Variants in VCAM1 observed in about 807,000 individuals in gnomAD.
VCAM1 encodes the protein vascular cell adhesion protein 1.
In VCAM1, 41 loss-of-function variants were observed where a neutral mutation model predicts 63.8. The observed-to-expected ratio is 0.64, with a 90% CI of 0.50 to 0.83. VCAM1 has a LOEUF of 0.83. VCAM1 is among the 40% of genes least tolerant of loss of function. The probability of loss-of-function intolerance (pLI) is 0.00; values close to 1 mark genes in which losing one functional copy is unlikely to be tolerated. For synonymous variants in VCAM1, 338 were observed against 320.7 expected, an observed-to-expected ratio of 1.05 and a Z score of -0.58; for missense variants, 798 against 875.5, an observed-to-expected ratio of 0.91 and a Z score of 1.12.
Position 100,734,717 on chromosome 1 carries a change from T to C in VCAM1, c.2008T>C (p.Ser670Pro), listed in dbSNP as rs1428999683. 6.2e-7 allele frequency: 1 copy of C among 1,612,370 alleles called. No homozygotes were observed. Residue 670 changes from serine to proline, a missense_variant, in exon 8 of 9, where the codon TCT becomes CCT. Transcript: ENST00000294728. The stretch of plus-strand genomic sequence containing the variant: ...GGATGCGGGAGTATATGAATGTGAA[T>C]CTAAAAACAAAGTTGGCTCACAATT... The part of the protein sequence containing the change: ...LKDAGVYECE[S>P]KNKVGSQLRS...
At chr1:100,724,571 G>C in intron 3 of VCAM1, 53 bp from the exon 4 acceptor site, 1 of 1,578,046 alleles carries the variant, frequency 6.3e-7, no homozygotes, top group South Asian at 1.2e-5. Context: ...CATTACCTCT[G>C]TTGCACTGGG....
intron 1 of VCAM1, among the ~76,000 whole-genome samples, 165 bp downstream of exon 1, chr1:100,720,089 A>C (rs1659904872): frequency 6.6e-6 from 1 of 152,142 alleles, no homozygotes; most frequent in South Asian, 2.1e-4. Flanking sequence ...GTTTTGCTAT[A>C]TACCATTGTA....
chr1:100,719,903 C>T lies in VCAM1; in HGVS notation c.43C>T (p.Leu15Phe), dbSNP rs775374597. Residue 15 changes from leucine to phenylalanine, a missense_variant, in exon 1 of 9, where the codon CTT (leucine) becomes TTT (phenylalanine). Transcript: ENST00000294728. The stretch of plus-strand genomic sequence containing the variant: ...CGTGATCCTTGGAGCCTCAAATATA[C>T]TTTGGATAATGTTTGCAGCTTGTAA... ...MVVILGASNI[L>F]WIMFAASQAF... 6.2e-7 allele frequency: 1 copy of T among 1,610,882 alleles called. No homozygotes were observed. Among genetic ancestry groups the T allele is most frequent in the South Asian group, 1.1e-5 (1 of 90,790 alleles).
chr1:100,732,465 G>C lies in VCAM1; in HGVS notation c.1573G>C (p.Glu525Gln), dbSNP rs751036237. The C allele has an allele frequency of 6.2e-7, 1 of 1,608,908 alleles. No homozygotes were observed. Among genetic ancestry groups the C allele is most frequent in the East Asian group, 2.2e-5 (1 of 44,706 alleles). The part of the protein sequence containing the change: ...TVLVSPSSIL[E>Q]EGSSVNMTCL... ...CTTGGTCAGCCCTTCCTCCATCCTG[G>C]AGGAAGGCAGTTCTGTGAATATGAC... Residue 525 changes from glutamate to glutamine, a missense_variant, in exon 7 of 9, where the codon GAG (glutamate) becomes CAG (glutamine). Coordinates refer to ENST00000294728, the MANE Select transcript of VCAM1 (RefSeq NM_001078.4).
chr1:100,726,046 C>G (rs1171500207), intron 4 of VCAM1, among the ~76,000 whole-genome samples: 4 of 151,950 alleles, frequency 2.6e-5, no homozygotes, highest in Admixed American at 2.6e-4. Context: ...ACCAACATCT[C>G]CTTGTTCCCT....
chr1:100,738,133 C>G lies in VCAM1; in HGVS notation c.2070C>G (p.Asn690Lys), dbSNP rs141361013. The G allele has an allele frequency of 1.5e-5, 24 of 1,612,664 alleles. No homozygotes were observed. The African/African-American group carries it at 2.7e-4, about 18-fold the overall frequency. ...SLTLDVQGRE[N>K]NKDYFSPELL... The stretch of plus-strand genomic sequence containing the variant: ...TTTGTTATTTTCCAGGAAGAGAAAA[C>G]AACAAAGACTATTTTTCTCCTGAGC... The change falls in exon 9 of 9, where the codon AAC (asparagine) becomes AAG (lysine). Residue 690 changes from asparagine to lysine, a missense_variant. Transcript: ENST00000294728.
Position 100,723,187 on chromosome 1 carries a change from A to C in VCAM1, c.508A>C (p.Arg170=). ...KSQEFLEDAD[R]KSLETKSLEV... ...TCAGGAATTTCTGGAGGATGCAGAC[A>C]GGAAGTCCCTGGAAACCAAGAGTTT... Residue 170 remains arginine (R), a synonymous_variant, in exon 3 of 9, where the codon AGG becomes CGG. Coordinates refer to ENST00000294728, the MANE Select transcript of VCAM1 (RefSeq NM_001078.4). The C allele has an allele frequency of 6.2e-7, 1 of 1,613,212 alleles. No homozygotes were observed. Among genetic ancestry groups the C allele is most frequent in the South Asian group, 1.1e-5 (1 of 91,062 alleles).
rs765236692 is a variant in VCAM1, at chr1:100,720,770, CTTTG to C, written c.340+23_340+26del. On this transcript the variant is annotated intron_variant, in intron 2 of 8. Coordinates refer to ENST00000294728, the MANE Select transcript of VCAM1 (RefSeq NM_001078.4). ...ATCTACTGTGAGTGCTTTAGAAAAT[CTTTG>C]TTTTTCTCTCAATTTTACTTTAAAA... 5.1e-6 allele frequency: 8 copies of C among 1,560,956 alleles called. No individual in the cohort carries two copies. Among genetic ancestry groups the C allele is most frequent in the Admixed American group, 2.0e-5 (1 of 48,900 alleles).
intron 4 of VCAM1, among the ~76,000 whole-genome samples, chr1:100,728,162 G>A (rs1418582042): frequency 6.6e-6 from 1 of 152,058 alleles, no homozygotes; most frequent in African/African-American, 2.4e-5. Flanking sequence ...TAGCGCTGAT[G>A]GCCAAAGAGC....
intron 7 of VCAM1, among the ~76,000 whole-genome samples, chr1:100,733,412 A>G (rs1557907203): frequency 6.6e-6 from 1 of 152,136 alleles, no homozygotes; most frequent in South Asian, 2.1e-4. Context: ...CATTATTCCC[A>G]CTAAGATATT....
chr1:100,725,275 T>A (rs1217503317), intron 4 of VCAM1, among the ~76,000 whole-genome samples: 2 of 151,942 alleles, frequency 1.3e-5, no homozygotes, highest in Non-Finnish European at 2.9e-5. Flanking sequence ...ATGTTCCAAT[T>A]CCATGCTGTT....
At chr1:100,727,140 A>T (rs1406727491) in intron 4 of VCAM1, among the ~76,000 whole-genome samples, 1 of 151,802 alleles carries the variant, frequency 6.6e-6, no homozygotes, top group East Asian at 1.9e-4. Flanking sequence ...ATATTTGCTG[A>T]ATTAATGAAT....
intron 4 of VCAM1, 86 bp from the exon 5 acceptor site, chr1:100,729,021 G>T: frequency 7.1e-7 from 1 of 1,400,604 alleles, no homozygotes; most frequent in Non-Finnish European, 9.4e-7. Flanking sequence ...AGGAGATCAG[G>T]AAAAATAAAG....
intron 8 of VCAM1, chr1:100,735,712 C>T (rs1396241612): frequency 6.6e-6 from 1 of 152,190 alleles, no homozygotes; most frequent in Non-Finnish European, 1.5e-5. Flanking sequence ...CTTCACAGTA[C>T]CTCCTCAAAA....
Position 100,723,138 on chromosome 1 carries a change from G to T in VCAM1, c.459G>T (p.Leu153=). The T allele has an allele frequency of 6.2e-7, 1 of 1,613,090 alleles. No homozygotes were observed. The highest frequency in any genetic ancestry group is 8.5e-7 in the Non-Finnish European group (1 of 1,179,448). ...YPFDRLEIDL[L]KGDHLMKSQE... ...TTGACAGGCTGGAGATAGACTTACT[G>T]AAAGGAGATCATCTCATGAAGAGTC... Residue 153 remains leucine, a synonymous_variant, in exon 3 of 9, where the codon CTG becomes CTT. Transcript: ENST00000294728.
At chr1:100,720,832 T>G in intron 2 of VCAM1, 81 bp downstream of exon 2, 1 of 1,460,706 alleles carries the variant, frequency 6.8e-7, no homozygotes, top group Non-Finnish European at 9.1e-7. Flanking sequence ...TAAAAAAAGT[T>G]TTAAAATGGA....
chr1:100,730,776 A>C (rs1319519693), intron 5 of VCAM1, among the ~76,000 whole-genome samples: 2 of 152,158 alleles, frequency 1.3e-5, no homozygotes, highest in African/African-American at 4.8e-5. Context: ...CATTTTACAC[A>C]GCTGCTTTGA....
At chr1:100,720,285 C>G (rs1401922435) in intron 1 of VCAM1, among the ~76,000 whole-genome samples, 191 bp from the exon 2 acceptor site, 1 of 152,098 alleles carries the variant, frequency 6.6e-6, no homozygotes, top group Non-Finnish European at 1.5e-5. Flanking sequence ...TGAGAATTCT[C>G]TCTACTGAAG....
In VCAM1 at chr1:100,738,250, T is replaced by A; in HGVS notation, c.2187T>A (p.Tyr729Ter). 1.2e-6 allele frequency: 2 copies of A among 1,613,660 alleles called. No individual in the cohort carries two copies. Among genetic ancestry groups the A allele is most frequent in the Non-Finnish European group, 1.7e-6 (2 of 1,179,692 alleles). ...FARKANMKGS[Y>*]SLVEAQKSKV The stretch of plus-strand genomic sequence containing the variant: ...GAAAAGCCAACATGAAGGGGTCATA[T>A]AGTCTTGTAGAAGCACAGAAGTCAA... Residue 729 changes from tyrosine (Y) to a stop codon, truncating the protein, a stop_gained, in exon 9 of 9, where the codon TAT (tyrosine) becomes TAA (stop). Coordinates refer to ENST00000294728, the MANE Select transcript of VCAM1 (RefSeq NM_001078.4). LOFTEE classifies it high-confidence loss of function.
Sources: allele counts gnomAD v4.1 joint callset (sites outside exome capture counted in the v4.1 genomes callset), GRCh38; gene constraint gnomAD v4.1.1; transcripts MANE v1.5; gene names NCBI Gene and HGNC (gene_info 2026-07-23, HGNC 2026-07-21).